Variants in INSL6 observed in about 807,000 individuals in gnomAD.
INSL6 encodes insulin like 6, also known as insulin-like peptide INSL6.
In INSL6, 16 loss-of-function variants were observed where a neutral mutation model predicts 9.4. That is an observed-to-expected ratio of 1.70 (90% confidence interval 1.15 to 2.59). The LOEUF (loss-of-function observed/expected upper bound fraction) is 2.59. Among genes scored for constraint, INSL6 ranks in the 30% most tolerant of loss-of-function variants. INSL6 has a pLI of 0.00. For missense variants in INSL6, 391 were observed against 257.3 expected, an observed-to-expected ratio of 1.52 and a Z score of -3.56; for synonymous variants, 154 against 96.9, an observed-to-expected ratio of 1.59 and a Z score of -3.46.
the INSL6 span, among the ~76,000 whole-genome samples, chr9:5,063,927 G>A: frequency 6.6e-6 from 1 of 152,340 alleles, no homozygotes; most frequent in Admixed American, 6.5e-5. Flanking sequence ...GGAGGCCAAG[G>A]CGGGCGGATC....
At chr9:5,070,335 C>T in the INSL6 span, among the ~76,000 whole-genome samples, 3 of 151,966 alleles carry the variant, frequency 2.0e-5, no homozygotes, top group African/African-American at 7.3e-5. Flanking sequence ...AGACCTATAT[C>T]GCAACTCCCA....
At chr9:5,149,320 C>G (rs1015791186) in intron 2 of INSL6, among the ~76,000 whole-genome samples, 4 of 152,170 alleles carry the variant, frequency 2.6e-5, no homozygotes, top group Admixed American at 2.0e-4. Context: ...TCAGTGTTTT[C>G]TTTCTGAAGA....
chr9:5,160,103 G>C (rs756435044), downstream of INSL6, among the ~76,000 whole-genome samples: 1 of 151,692 alleles, frequency 6.6e-6, no homozygotes, highest in Non-Finnish European at 1.5e-5. Context: ...TTGAACCCGG[G>C]GGATGGAGGT....
downstream of INSL6, among the ~76,000 whole-genome samples, chr9:5,159,618 C>A (rs1414296808): frequency 6.6e-6 from 1 of 152,086 alleles, no homozygotes; most frequent in East Asian, 1.9e-4. Flanking sequence ...TAAATATATA[C>A]GCATTCAACG....
chr9:5,021,982 C>G, the INSL6 span: 7 of 1,603,006 alleles, frequency 4.4e-6, no homozygotes, highest in Admixed American at 5.0e-5. Context: ...CTGAAAAAGA[C>G]TCTGCATGGG....
chr9:5,055,898 T>C, the INSL6 span: 2 of 980,976 alleles, frequency 2.0e-6, no homozygotes, highest in Non-Finnish European at 1.5e-6. Context: ...TGATTGTAGT[T>C]TTAAATATAA....
At chr9:5,069,161 A>C in the INSL6 span, 1 of 1,611,452 alleles carries the variant, frequency 6.2e-7, no homozygotes, top group East Asian at 2.2e-5. Context: ...GTTCGCTCAG[A>C]CAATATAATT....
downstream of INSL6, chr9:5,123,228 T>C (rs1323330721): frequency 1.5e-6 from 1 of 659,206 alleles, no homozygotes; most frequent in Non-Finnish European, 2.7e-6. Flanking sequence ...TGCATAGTGG[T>C]GAAGTCAGAG....
the INSL6 span, among the ~76,000 whole-genome samples, chr9:5,002,021 CT>C: frequency 6.6e-6 from 1 of 151,764 alleles, no homozygotes; most frequent in African/African-American, 2.4e-5. Context: ...CGATATCCTG[CT>C]TTTTTTACAT....
chr9:5,078,264 T>C, the INSL6 span: 1 of 1,560,734 alleles, frequency 6.4e-7, no homozygotes, highest in Non-Finnish European at 8.8e-7. Flanking sequence ...CTCCAGTACT[T>C]GTGGACTGAT....
the INSL6 span, among the ~76,000 whole-genome samples, chr9:5,018,468 C>T: frequency 6.6e-6 from 1 of 152,118 alleles, no homozygotes; most frequent in Non-Finnish European, 1.5e-5. Context: ...TCTCAGGTAG[C>T]TGGGACTACA....
chr9:5,113,713 C>A, the INSL6 span: 1 of 166,032 alleles, frequency 6.0e-6, no homozygotes. Context: ...CTGGGACCTT[C>A]CCAGCCACCA....
downstream of INSL6, chr9:5,163,861 A>T: frequency 1.7e-6 from 2 of 1,164,016 alleles, no homozygotes; most frequent in Non-Finnish European, 1.2e-6. Flanking sequence ...AAAAAAATAG[A>T]GTTAAATAAA....
chr9:5,156,065 C>G lies in INSL6; in HGVS notation c.376+8114G>C, dbSNP rs117001966. On this transcript the variant is annotated intron_variant, in intron 2 of 3. Transcript: ENST00000649639. ...ATCCTATAGACATTTAAAGGATGGT[C>G]AGGGAATATGATGAAAAACTTTATG... Among the ~76,000 whole-genome samples, 671 of 152,052 alleles carry G rather than the reference C, an allele frequency of 4.4e-3. 4 individuals are homozygous for G. The highest frequency in any genetic ancestry group is 8.1e-3 in the Non-Finnish European group (548 of 68,004).
At chr9:5,076,618 T>C in the INSL6 span, among the ~76,000 whole-genome samples, 6 of 152,322 alleles carry the variant, frequency 3.9e-5, no homozygotes, top group South Asian at 1.2e-3. Flanking sequence ...ACCAAGAAAT[T>C]CATGACTTGC....
the INSL6 span, among the ~76,000 whole-genome samples, chr9:5,014,164 C>CT: frequency 0.018 from 2,080 of 117,520 alleles, 59 homozygotes; most frequent in African/African-American, 0.05. Flanking sequence ...TTTACTCTTT[C>CT]TTTTTTTTTT....
At position 5,164,224 on chromosome 9, in the gene INSL6, G is replaced by C; in HGVS notation, c.331C>G (p.Gln111Glu). The C allele has an allele frequency of 6.2e-7, 1 of 1,606,266 alleles. No homozygotes were observed. The highest frequency in any genetic ancestry group is 8.5e-7 in the Non-Finnish European group (1 of 1,177,294). ...WEEAVNSWEM[Q>E]SLPEYKDKKG... ...TTATCCTTATACTCAGGTAGTGACT[G>C]CATTTCCCAACTGTTTACTGCTTCT... The change falls in exon 2 of 2, where the codon CAG becomes GAG. Residue 111 changes from glutamine (Q) to glutamate (E), a missense_variant. Coordinates refer to ENST00000381641, the MANE Select transcript of INSL6 (RefSeq NM_007179.3).
At chr9:5,087,413 G>C in the INSL6 span, among the ~76,000 whole-genome samples, 2 of 152,164 alleles carry the variant, frequency 1.3e-5, no homozygotes, top group East Asian at 1.9e-4. Context: ...AATGACATGT[G>C]GGGATTATGG....
chr9:5,178,335 T>C (rs1383042369), intron 1 of INSL6, among the ~76,000 whole-genome samples: 1 of 152,170 alleles, frequency 6.6e-6, no homozygotes, highest in African/African-American at 2.4e-5. Flanking sequence ...CACGGTTCCC[T>C]TTACTCAGCT....
Sources: allele counts gnomAD v4.1 joint callset (sites outside exome capture counted in the v4.1 genomes callset), GRCh38; gene constraint gnomAD v4.1.1; transcripts MANE v1.5; gene names NCBI Gene and HGNC (gene_info 2026-07-23, HGNC 2026-07-21).